The following NECAB3 variants were observed in gnomAD, a reference collection of about 807,000 sequenced individuals.
NECAB3 encodes N-terminal EF-hand calcium-binding protein 3.
In NECAB3, 38 loss-of-function variants were observed where a neutral mutation model predicts 57.2. The observed-to-expected ratio is 0.66, with a 90% CI of 0.51 to 0.87. The LOEUF is 0.87. Among genes scored for constraint, NECAB3 ranks in the 40% least tolerant of loss-of-function variants. The probability of loss-of-function intolerance (pLI) is 0.00; values close to 1 mark genes in which losing one functional copy is unlikely to be tolerated. For missense variants in NECAB3, 474 were observed against 527.5 expected (o/e 0.90, Z 0.99); for synonymous variants, 223 against 222.6 (o/e 1.00, Z -0.02).
intron 5 of NECAB3, chr20:33,663,698 T>G (rs752655284): frequency 5.7e-6 from 9 of 1,570,284 alleles, no homozygotes; most frequent in East Asian, 2.3e-5. Context: ...GTACTGCTGC[T>G]GCTGCGGCGG....
chr20:33,664,021 G>A (rs2122488636), intron 5 of NECAB3: 2 of 620,592 alleles, frequency 3.2e-6, no homozygotes, highest in Non-Finnish European at 5.1e-6. Context: ...CAGAGCCATC[G>A]CCACGGTCTG....
intron 5 of NECAB3, chr20:33,663,271 G>T (rs1426829637): frequency 5.5e-6 from 3 of 545,802 alleles, no homozygotes; most frequent in Non-Finnish European, 9.6e-6. Flanking sequence ...GACGGAGCTG[G>T]TCTCAGGAAG....
chr20:33,667,156 C>G (rs573584848), intron 5 of NECAB3: 90 of 225,532 alleles, frequency 4.0e-4, no homozygotes, highest in African/African-American at 1.8e-3. Flanking sequence ...GGTGGTGGAC[C>G]AGGGCTCGGG....
intron 5 of NECAB3, among the ~76,000 whole-genome samples, chr20:33,665,909 CCT>C (rs1057091922): frequency 6.6e-6 from 1 of 152,092 alleles, no homozygotes; most frequent in Non-Finnish European, 1.5e-5. Flanking sequence ...GTGGCGAAAC[CCT>C]GTCTCCACTA....
chr20:33,659,838 A>T (rs745493093), intron 7 of NECAB3, 47 bp downstream of exon 7: 35 of 1,535,004 alleles, frequency 2.3e-5, no homozygotes, highest in Non-Finnish European at 2.9e-5. Flanking sequence ...GGAAGGGGGG[A>T]TGCGGTGCCT....
chr20:33,668,153 T>C lies in NECAB3; in HGVS notation c.387+1222A>G, dbSNP rs770404697. 38 of 1,612,714 alleles carry C rather than the reference T, an allele frequency of 2.4e-5. No homozygotes were observed. Among genetic ancestry groups the C allele is most frequent in the South Asian group, 1.6e-4 (15 of 91,052 alleles). ...ACCGGCGGCTCCATGGTGGCCTCCC[T>C]GCACTCCTTCCAGCGCCGCTGGATA... On this transcript the variant is annotated intron_variant, in intron 5 of 11. Coordinates refer to ENST00000246190, the MANE Select transcript of NECAB3 (RefSeq NM_031232.4).
intron 1 of NECAB3, among the ~76,000 whole-genome samples, chr20:33,673,964 C>T (rs2017890611): frequency 6.6e-6 from 1 of 152,100 alleles, no homozygotes; most frequent in Non-Finnish European, 1.5e-5. Context: ...TGTCGCCAGC[C>T]CCCCGCCAAC....
intron 5 of NECAB3, chr20:33,663,555 C>T (rs756217324): frequency 2.6e-5 from 42 of 1,611,072 alleles, no homozygotes; most frequent in South Asian, 8.8e-5. Flanking sequence ...TGATTCTCCC[C>T]CTGGACAAGC....
intron 5 of NECAB3, chr20:33,667,765 G>T (rs1384215388): frequency 1.2e-5 from 19 of 1,612,430 alleles, no homozygotes; most frequent in Non-Finnish European, 1.5e-5. Context: ...CGTGTCCCTG[G>T]ACTTCGAGGG....
chr20:33,658,429 C>T, intron 10 of NECAB3, 48 bp downstream of exon 10: 1 of 1,581,742 alleles, frequency 6.3e-7, no homozygotes, highest in Non-Finnish European at 8.7e-7. Context: ...GCCTGACTCA[C>T]TCCAGGGCCA....
intron 3 of NECAB3, chr20:33,670,391 G>A (rs2017804614): frequency 5.5e-6 from 2 of 364,122 alleles, no homozygotes; most frequent in Non-Finnish European, 5.0e-6. Flanking sequence ...AAGCAGGCGG[G>A]GCCCAGCTGT....
chr20:33,657,813 C>T lies in NECAB3; in HGVS notation c.*16G>A, dbSNP rs368221322. The T allele has an allele frequency of 1.4e-5, 21 of 1,524,998 alleles. No homozygotes were observed. In the East Asian group the frequency reaches 4.2e-4, roughly 30 times the overall value. The allele number at this position is 1,524,998 out of a possible 1,614,324, so 94.5% of individuals were successfully genotyped here. A position where few individuals can be genotyped will look rare whatever the true frequency, so the allele number is the denominator to read the frequency against. On this transcript the variant is annotated 3_prime_UTR_variant, in exon 12 of 12. Transcript: ENST00000246190. ...GCAGGCAGGGTCCCGGGGCCCTCGG[C>T]GTGTGCAGGTCTGGCTCAGTTGTTA...
At chr20:33,668,255 G>C (rs1433237675) in intron 5 of NECAB3, 1 of 1,558,656 alleles carries the variant, frequency 6.4e-7, no homozygotes, top group African/African-American at 1.4e-5. Flanking sequence ...GACTGGGGGG[G>C]GTGGCACTGC....
chr20:33,672,958 T>C (rs1193010730), intron 1 of NECAB3, among the ~76,000 whole-genome samples: 1 of 152,152 alleles, frequency 6.6e-6, no homozygotes. Flanking sequence ...AGTTACCCAC[T>C]AGCAAATAGA....
chr20:33,671,782 T>A (rs2017832080), intron 2 of NECAB3, among the ~76,000 whole-genome samples: 1 of 152,138 alleles, frequency 6.6e-6, no homozygotes. Context: ...AGGAGCCGAC[T>A]CCTTTGGCAC....
At position 33,658,736 on chromosome 20, in the gene NECAB3, C is replaced by T; in HGVS notation, c.978G>A (p.Gln326=). The part of the protein sequence containing the change: ...LRCYVDFTGA[Q]SHCLHVSAQK... ...TGGGGACTCACTGCAGACAATGGCT[C>T]TGGGCCCCTGTGAAGTCCACATAGC... The change falls in exon 9 of 12, where the codon CAG becomes CAA. Residue 326 remains glutamine (Q), a synonymous_variant. Transcript: ENST00000246190. The T allele has an allele frequency of 6.2e-7, 1 of 1,613,762 alleles. No individual in the cohort carries two copies. Among genetic ancestry groups the T allele is most frequent in the South Asian group, 1.1e-5 (1 of 91,074 alleles).
intron 5 of NECAB3, chr20:33,666,725 G>A (rs2017663041): frequency 6.6e-6 from 1 of 152,444 alleles, no homozygotes; most frequent in African/African-American, 2.4e-5. Context: ...TGAGAGCGTG[G>A]AGCCTGAAGC....
chr20:33,669,256 A>C, intron 5 of NECAB3, 119 bp downstream of exon 5: 1 of 1,006,768 alleles, frequency 9.9e-7, no homozygotes, highest in South Asian at 1.5e-5. Flanking sequence ...AGTGGGAGCC[A>C]GGATTTGAAC....
At chr20:33,659,757 C>G in intron 7 of NECAB3, 25 bp from the exon 8 acceptor site, 1 of 1,561,530 alleles carries the variant, frequency 6.4e-7, no homozygotes, top group South Asian at 1.2e-5. Context: ...CGTGCAGGGT[C>G]AGGCAGGGGC....
Sources: allele counts gnomAD v4.1 joint callset (sites outside exome capture counted in the v4.1 genomes callset), GRCh38; gene constraint gnomAD v4.1.1; transcripts MANE v1.5; gene names NCBI Gene and HGNC (gene_info 2026-07-23, HGNC 2026-07-21).